RNF43: variants seen among roughly 807,000 people sequenced by gnomAD.
RNF43 encodes the protein ring finger protein 43.
RNF43 carries 37 observed loss-of-function variants against 78.4 expected under a neutral mutation model. That is an observed-to-expected ratio of 0.47 (90% CI 0.36 to 0.62). The LOEUF (loss-of-function observed/expected upper bound fraction) is 0.62. RNF43 is among the 20% of genes least tolerant of loss of function. The pLI is 0.00. For missense variants in RNF43, 774 were observed against 1,007.9 expected (o/e 0.77, Z 3.14); for synonymous variants, 347 against 395.0 (o/e 0.88, Z 1.44).
chr17:58,403,602 T>A (rs1000170977), intron 2 of RNF43, among the ~76,000 whole-genome samples: 3 of 151,994 alleles, frequency 2.0e-5, no homozygotes, highest in Admixed American at 6.5e-5. Context: ...GCGGCCCTTC[T>A]CTTTTTTTTT....
At chr17:58,389,789 A>C (rs1973513243) in intron 2 of RNF43, among the ~76,000 whole-genome samples, 1 of 152,228 alleles carries the variant, frequency 6.6e-6, no homozygotes, top group South Asian at 2.1e-4. Context: ...CAATTCTACT[A>C]CATAAATATG....
chr17:58,362,228 T>G (rs933035729), intron 6 of RNF43, among the ~76,000 whole-genome samples: 2 of 152,172 alleles, frequency 1.3e-5, no homozygotes, highest in African/African-American at 2.4e-5. Context: ...TTATTTAGTC[T>G]GTTTATTGTC....
Position 58,354,195 on chromosome 17 carries a change from A to G in RNF43, c.*748T>C. ...TCCTTCCTCTGCCCAGATAAAGTCC[A>G]GCAGAAATTCCTCCTTTCTACCTCT... On this transcript the variant is annotated 3_prime_UTR_variant, in exon 10 of 10. Transcript: ENST00000407977. 1 of 203,164 alleles carries G rather than the reference A, an allele frequency of 4.9e-6. No individual in the cohort carries two copies. The highest frequency in any genetic ancestry group is 1.9e-4 in the South Asian group (1 of 5,270). 12.6% of individuals were successfully genotyped at this position (203,164 alleles called of 1,614,324 possible).
At chr17:58,384,670 G>A (rs1419445041) in intron 2 of RNF43, among the ~76,000 whole-genome samples, 1 of 152,168 alleles carries the variant, frequency 6.6e-6, no homozygotes, top group Non-Finnish European at 1.5e-5. Context: ...TCGGTTTCAG[G>A]TACTAAATCT....
chr17:58,379,541 G>A (rs967043956), intron 2 of RNF43, among the ~76,000 whole-genome samples: 11 of 152,234 alleles, frequency 7.2e-5, no homozygotes, highest in South Asian at 2.1e-4. Flanking sequence ...CATTACAGAC[G>A]CCATTCTTCA....
chr17:58,370,212 G>C (rs1973058283), intron 3 of RNF43, among the ~76,000 whole-genome samples: 1 of 151,886 alleles, frequency 6.6e-6, no homozygotes, highest in African/African-American at 2.4e-5. Flanking sequence ...GGGATTACAG[G>C]CATGTGCCAC....
At chr17:58,412,654 AG>A (rs11338360) in intron 2 of RNF43, among the ~76,000 whole-genome samples, 39,407 of 134,006 alleles carry the variant, frequency 0.29, 6,500 homozygotes, top group African/African-American at 0.47. Flanking sequence ...CACATTGTCA[AG>A]GGGGGGGGTC....
rs1443571731 is a variant in RNF43, at chr17:58,385,066, TCATGA to T, written c.253-14038_253-14034del. On this transcript the variant is annotated intron_variant, in intron 2 of 9. Coordinates refer to ENST00000407977, the MANE Select transcript of RNF43 (RefSeq NM_017763.6). Reference sequence around the variant, plus strand: ...CGCTTCTTGACTCTTCACGTGTTGCTCATGACATAATACTATTCTAGTTCTTCCAC... The same window carrying T: ...CGCTTCTTGACTCTTCACGTGTTGCTCATAATACTATTCTAGTTCTTCCAC... 5.3e-5 allele frequency among the ~76,000 whole-genome samples: 8 copies of T among 152,366 alleles called. No homozygotes were observed. In the East Asian group the frequency reaches 1.5e-3, roughly 29 times the overall value.
intron 2 of RNF43, among the ~76,000 whole-genome samples, chr17:58,403,297 AGGC>A (rs1309290355): frequency 1.3e-5 from 2 of 152,192 alleles, no homozygotes; most frequent in African/African-American, 4.8e-5. Flanking sequence ...AATAAATTCT[AGGC>A]ACTCACATAA....
chr17:58,356,444 G>A (rs1972685660), intron 9 of RNF43, among the ~76,000 whole-genome samples: 1 of 152,164 alleles, frequency 6.6e-6, no homozygotes, highest in Admixed American at 6.5e-5. Context: ...GGTCCTGAAT[G>A]GAAAAGAGAG....
At chr17:58,377,931 C>T (rs1407860088) in intron 2 of RNF43, among the ~76,000 whole-genome samples, 2 of 151,878 alleles carry the variant, frequency 1.3e-5, no homozygotes, top group East Asian at 1.9e-4. Flanking sequence ...GAGGACACAC[C>T]GGCATCATAA....
intron 2 of RNF43, among the ~76,000 whole-genome samples, chr17:58,394,030 T>C (rs1394773960): frequency 6.6e-6 from 1 of 152,242 alleles, no homozygotes; most frequent in Non-Finnish European, 1.5e-5. Flanking sequence ...CACTCCAGCC[T>C]GGGCAACAGA....
intron 3 of RNF43, among the ~76,000 whole-genome samples, chr17:58,366,555 G>A (rs1252517629): frequency 6.6e-6 from 1 of 152,206 alleles, no homozygotes; most frequent in African/African-American, 2.4e-5. Flanking sequence ...GTGAAAGGAA[G>A]GAGAAGGAAT....
intron 2 of RNF43, among the ~76,000 whole-genome samples, chr17:58,374,154 TG>T (rs1973155985): frequency 6.6e-6 from 1 of 151,490 alleles, no homozygotes; most frequent in Admixed American, 6.6e-5. Flanking sequence ...TTAAATAACA[TG>T]CCCAAGATTA....
intron 2 of RNF43, 132 bp downstream of exon 2, chr17:58,415,194 C>T (rs1974097237): frequency 7.1e-6 from 6 of 845,588 alleles, no homozygotes; most frequent in Non-Finnish European, 1.1e-5. Context: ...GCCAATAAGG[C>T]AGTATCTACT....
intron 2 of RNF43, among the ~76,000 whole-genome samples, chr17:58,381,564 G>A (rs571096917): frequency 6.6e-6 from 1 of 152,222 alleles, no homozygotes; most frequent in African/African-American, 2.4e-5. Context: ...CTCTGGGAGA[G>A]CCTGGGAGGG....
intron 2 of RNF43, among the ~76,000 whole-genome samples, chr17:58,376,966 C>T (rs988525043): frequency 6.6e-6 from 1 of 152,168 alleles, no homozygotes; most frequent in Non-Finnish European, 1.5e-5. Context: ...TTTATACCCC[C>T]TGTGTAAAGA....
rs947231021 is a variant in RNF43 at position 58,358,598 on chromosome 17, G to A, written c.1178C>T (p.Ala393Val). 6.3e-7 allele frequency: 1 copy of A among 1,582,104 alleles called. No homozygotes were observed. Among genetic ancestry groups the A allele is most frequent in the African/African-American group, 1.3e-5 (1 of 74,510 alleles). The part of the protein sequence containing the change: ...MGPRHHRFPR[A>V]AHPRAPGEQQ... The stretch of plus-strand genomic sequence containing the variant: ...CTCTCCTGGAGCCCGGGGATGTGCA[G>A]CTCTGGGGAAGCGGTGATGCCGAGG... Residue 393 changes from alanine (A) to valine (V), a missense_variant, in exon 9 of 10, where the codon GCT (alanine) becomes GTT (valine). Physicochemically the swap from Ala to Val is moderately conservative, Grantham distance 64 (BLOSUM62 0). Transcript: ENST00000407977. This position sits in a 1 kb window ranked among gnomAD's most constrained non-coding sequence, Gnocchi z 6.2.
chr17:58,368,529 A>G (rs1973002825), intron 3 of RNF43, among the ~76,000 whole-genome samples: 1 of 151,872 alleles, frequency 6.6e-6, no homozygotes, highest in South Asian at 2.1e-4. Context: ...CCTGGGCAAC[A>G]GAGCGAGACT....
Sources: allele counts gnomAD v4.1 joint callset (sites outside exome capture counted in the v4.1 genomes callset), GRCh38; gene constraint gnomAD v4.1.1; non-coding constraint Gnocchi (gnomAD v3.1); transcripts MANE v1.5; gene names NCBI Gene and HGNC (gene_info 2026-07-23, HGNC 2026-07-21).